NYAP2: variants seen among roughly 807,000 people sequenced by gnomAD.
The protein encoded by NYAP2 is neuronal tyrosine-phosphorylated phosphoinositide-3-kinase adaptor 2.
Under a neutral mutation model 50.4 loss-of-function variants are expected in NYAP2, and 23 were observed. The observed-to-expected ratio is 0.46, with a 90% confidence interval of 0.33 to 0.65. The LOEUF (loss-of-function observed/expected upper bound fraction) is 0.65. Among genes scored for constraint, NYAP2 ranks in the 30% least tolerant of loss-of-function variants. The pLI is 0.02. For synonymous variants in NYAP2, 394 were observed against 365.2 expected (o/e 1.08, Z -0.90); for missense variants, 885 against 861.0 (o/e 1.03, Z -0.35).
At chr2:225,563,124 G>T (rs1225626901) in intron 4 of NYAP2, among the ~76,000 whole-genome samples, 1 of 152,114 alleles carries the variant, frequency 6.6e-6, no homozygotes, top group Non-Finnish European at 1.5e-5. Context: ...TGGAGCTGGG[G>T]CTCCAGAAGT....
At chr2:225,680,372 T>C in the NYAP2 span, among the ~76,000 whole-genome samples, 1 of 151,676 alleles carries the variant, frequency 6.6e-6, no homozygotes, top group South Asian at 2.1e-4. Flanking sequence ...TAGAAAGGGG[T>C]TGCAATCTTA....
the NYAP2 span, among the ~76,000 whole-genome samples, chr2:225,672,639 A>G: frequency 6.6e-6 from 1 of 152,064 alleles, no homozygotes; most frequent in African/African-American, 2.4e-5. Context: ...GCCTATATTG[A>G]CTTTTGACTT....
chr2:225,542,294 C>T (rs1472250357), intron 4 of NYAP2, among the ~76,000 whole-genome samples: 1 of 152,082 alleles, frequency 6.6e-6, no homozygotes, highest in African/African-American at 2.4e-5. Flanking sequence ...GCTAGGACTT[C>T]CAGGACTATG....
chr2:225,452,272 G>C (rs1281985362), intron 3 of NYAP2, among the ~76,000 whole-genome samples: 2 of 152,102 alleles, frequency 1.3e-5, no homozygotes, highest in African/African-American at 4.8e-5. Flanking sequence ...AAGCTGTTGT[G>C]GGCAAATGAG....
rs1559192942 is a variant in NYAP2, at chr2:225,485,832, C to T, written c.222-27539C>T. Among the ~76,000 whole-genome samples, 4 of 152,264 alleles carry T rather than the reference C, an allele frequency of 2.6e-5. No individual in the cohort carries two copies. In the South Asian group the frequency reaches 8.3e-4, roughly 32 times the overall value. On this transcript the variant is annotated intron_variant, in intron 3 of 6. Transcript: ENST00000636099. ...AAGCCCTTAGGTCAAGGTTTCTCGG[C>T]GTGACTGACATTCTGGACTGGATGA...
At chr2:225,583,833 G>A (rs1351680660) in intron 5 of NYAP2, among the ~76,000 whole-genome samples, 5 of 152,174 alleles carry the variant, frequency 3.3e-5, no homozygotes, top group Non-Finnish European at 5.9e-5. Flanking sequence ...GAGGCCAGGC[G>A]ATCAAGACCA....
At chr2:225,415,659 T>C (rs1028994306) in intron 3 of NYAP2, among the ~76,000 whole-genome samples, 1 of 152,142 alleles carries the variant, frequency 6.6e-6, no homozygotes, top group African/African-American at 2.4e-5. Context: ...TATTATTAGA[T>C]TTGTTTTAAT....
the NYAP2 span, among the ~76,000 whole-genome samples, chr2:225,661,459 G>A: frequency 6.6e-6 from 1 of 152,234 alleles, no homozygotes; most frequent in South Asian, 2.1e-4. Context: ...AGCTTTTGTT[G>A]AGAGCTTCTT....
At chr2:225,698,882 C>T in the NYAP2 span, 1 of 151,818 alleles carries the variant, frequency 6.6e-6, no homozygotes. Context: ...GGTTTGTTAT[C>T]TCTTTTATAT....
At chr2:225,657,876 C>T (rs1693853084), downstream of NYAP2, among the ~76,000 whole-genome samples, 1 of 152,296 alleles carries the variant, frequency 6.6e-6, no homozygotes, top group Non-Finnish European at 1.5e-5. Flanking sequence ...AATGAGATAG[C>T]CACAGAATAT....
At chr2:225,605,679 A>G (rs536681484) in intron 5 of NYAP2, among the ~76,000 whole-genome samples, 2 of 152,248 alleles carry the variant, frequency 1.3e-5, no homozygotes, top group South Asian at 4.1e-4. Context: ...AAATAAATAA[A>G]TAAATGATGG....
At chr2:225,593,113 T>G (rs1295824756) in intron 5 of NYAP2, among the ~76,000 whole-genome samples, 1 of 152,188 alleles carries the variant, frequency 6.6e-6, no homozygotes, top group Non-Finnish European at 1.5e-5. Context: ...AATAAGTAAT[T>G]AAATATTCAG....
At chr2:225,593,814 T>C (rs1559224738) in intron 5 of NYAP2, among the ~76,000 whole-genome samples, 1 of 152,218 alleles carries the variant, frequency 6.6e-6, no homozygotes, top group Non-Finnish European at 1.5e-5. Context: ...AAAAGCCATA[T>C]AAGAAATGTT....
intron 6 of NYAP2, among the ~76,000 whole-genome samples, chr2:225,630,992 C>T (rs1693303740): frequency 1.3e-5 from 2 of 152,068 alleles, no homozygotes; most frequent in South Asian, 2.1e-4. Context: ...TTAGTGGATT[C>T]AAAACTGAGA....
At chr2:225,596,241 T>C (rs190337630) in intron 5 of NYAP2, among the ~76,000 whole-genome samples, 8 of 152,322 alleles carry the variant, frequency 5.3e-5, no homozygotes, top group Admixed American at 5.2e-4. Flanking sequence ...TTAGTAATCA[T>C]TTTAAAACTG....
At chr2:225,554,801 G>T (rs1323871292) in intron 4 of NYAP2, among the ~76,000 whole-genome samples, 1 of 152,074 alleles carries the variant, frequency 6.6e-6, no homozygotes, top group African/African-American at 2.4e-5. Context: ...GTAGCTTATA[G>T]CTTCTCTTGC....
chr2:225,479,786 G>T (rs1345194932), intron 3 of NYAP2, among the ~76,000 whole-genome samples: 1 of 152,012 alleles, frequency 6.6e-6, no homozygotes, highest in Non-Finnish European at 1.5e-5. Context: ...AAATTGTTAG[G>T]ATAGGAAAAA....
At chr2:225,566,901 G>A (rs1225088130) in intron 4 of NYAP2, among the ~76,000 whole-genome samples, 1 of 151,990 alleles carries the variant, frequency 6.6e-6, no homozygotes, top group Non-Finnish European at 1.5e-5. Flanking sequence ...TCGGTTTGAG[G>A]AACTTACAGT....
At chr2:225,683,512 A>C in the NYAP2 span, among the ~76,000 whole-genome samples, 2 of 152,228 alleles carry the variant, frequency 1.3e-5, no homozygotes, top group African/African-American at 4.8e-5. Context: ...AAATGACATC[A>C]TATTATCTTA....
Sources: gnomAD v4.1 joint callset for allele counts (sites outside exome capture counted in the v4.1 genomes callset) on GRCh38, gnomAD v4.1.1 for gene constraint, MANE v1.5 for transcripts, NCBI Gene and HGNC (gene_info 2026-07-23, HGNC 2026-07-21) for gene names.